The following CSMD1 variants were observed in gnomAD, a reference collection of about 807,000 sequenced individuals.
CSMD1 encodes the protein CUB and sushi domain-containing protein 1.
Under a neutral mutation model 417.5 loss-of-function variants are expected in CSMD1, and 213 were observed. That is an observed-to-expected ratio of 0.51 (90% confidence interval 0.46 to 0.57). The LOEUF is 0.57. Among genes scored for constraint, CSMD1 ranks in the 20% least tolerant of loss-of-function variants. CSMD1 has a pLI of 0.00. For synonymous variants in CSMD1, 2,862 were observed against 1,736.8 expected, an observed-to-expected ratio of 1.65 and a Z score of -16.11; for missense variants, 6,923 against 4,529.7, an observed-to-expected ratio of 1.53 and a Z score of -15.17.
intron 12 of CSMD1, among the ~76,000 whole-genome samples, chr8:3,413,888 T>C (rs1347842605): frequency 6.6e-6 from 1 of 151,996 alleles, no homozygotes; most frequent in African/African-American, 2.4e-5. Flanking sequence ...CCTGTAATCC[T>C]AGCACTTTGG....
intron 6 of CSMD1, among the ~76,000 whole-genome samples, chr8:3,711,711 C>A (rs567229491): frequency 6.6e-6 from 1 of 152,148 alleles, no homozygotes; most frequent in Non-Finnish European, 1.5e-5. Context: ...CCAGCTCTCC[C>A]CAGGATAATG....
At chr8:4,722,303 A>C (rs942154149) in intron 1 of CSMD1, among the ~76,000 whole-genome samples, 5 of 151,944 alleles carry the variant, frequency 3.3e-5, no homozygotes, top group Non-Finnish European at 7.4e-5. Context: ...AAAGAGAAAA[A>C]AATTGTTTTG....
chr8:3,790,966 T>A (rs939509147), intron 5 of CSMD1, among the ~76,000 whole-genome samples: 16 of 152,182 alleles, frequency 1.1e-4, no homozygotes, highest in African/African-American at 3.6e-4. Context: ...GGAAAGATGG[T>A]CAAAAATATT....
At chr8:3,947,895 T>G (rs1224540012) in intron 5 of CSMD1, among the ~76,000 whole-genome samples, 1 of 152,096 alleles carries the variant, frequency 6.6e-6, no homozygotes, top group Admixed American at 6.5e-5. Flanking sequence ...TTCTATTAGT[T>G]AAAAGTCCTG....
chr8:4,879,117 T>C (rs1803234816), intron 1 of CSMD1, among the ~76,000 whole-genome samples: 1 of 152,012 alleles, frequency 6.6e-6, no homozygotes, highest in Admixed American at 6.6e-5. Flanking sequence ...AGATATCATT[T>C]ACGTATTGAG....
chr8:4,104,433 C>T (rs1389429605), intron 3 of CSMD1, among the ~76,000 whole-genome samples: 3 of 142,982 alleles, frequency 2.1e-5, no homozygotes, highest in African/African-American at 5.2e-5. Flanking sequence ...CATGCGCACA[C>T]GCATGCACAC....
intron 49 of CSMD1, among the ~76,000 whole-genome samples, chr8:3,062,555 A>T (rs891854365): frequency 1.5e-5 from 2 of 133,586 alleles, no homozygotes; most frequent in Admixed American, 7.5e-5. Flanking sequence ...AACAAAACAC[A>T]TTAAAAAAAA....
chr8:4,356,475 C>T (rs1179419779), intron 3 of CSMD1, among the ~76,000 whole-genome samples: 1 of 152,106 alleles, frequency 6.6e-6, no homozygotes, highest in Non-Finnish European at 1.5e-5. Context: ...TTCTTTTCCT[C>T]TGAGTAGATA....
chr8:4,036,912 G>C (rs1022635087), intron 3 of CSMD1, among the ~76,000 whole-genome samples: 2 of 152,050 alleles, frequency 1.3e-5, no homozygotes, highest in South Asian at 2.1e-4. Context: ...TTGCATGTTA[G>C]GCTCATTGGC....
intron 10 of CSMD1, among the ~76,000 whole-genome samples, chr8:3,527,413 G>T (rs1797797193): frequency 6.6e-6 from 1 of 152,108 alleles, no homozygotes; most frequent in African/African-American, 2.4e-5. Flanking sequence ...AAATTATAGG[G>T]ATGGGAACTA....
intron 7 of CSMD1, among the ~76,000 whole-genome samples, chr8:3,667,959 C>A (rs56221894): frequency 1.3e-5 from 2 of 152,030 alleles, no homozygotes; most frequent in Non-Finnish European, 2.9e-5. Flanking sequence ...TTCCTCCCTG[C>A]GTCTTTCTAA....
intron 42 of CSMD1, among the ~76,000 whole-genome samples, chr8:3,115,735 C>A (rs1157789990): frequency 6.6e-6 from 1 of 152,056 alleles, no homozygotes; most frequent in Non-Finnish European, 1.5e-5. Context: ...TATATAAATA[C>A]AAATTGATTT....
At chr8:4,635,502 T>A in intron 2 of CSMD1, among the ~76,000 whole-genome samples, 1 of 152,138 alleles carries the variant, frequency 6.6e-6, no homozygotes, top group African/African-American at 2.4e-5. Context: ...CTAGAGTAAA[T>A]AAAAATATTG....
At chr8:4,397,688 G>C (rs912461778) in intron 3 of CSMD1, among the ~76,000 whole-genome samples, 3 of 151,818 alleles carry the variant, frequency 2.0e-5, no homozygotes, top group Non-Finnish European at 2.9e-5. Context: ...TGAAGAAATA[G>C]ATATTAATAA....
In CSMD1 at chr8:4,242,589, G is replaced by C. The variant is rs867549469; in HGVS notation, c.415+177364C>G. Reference sequence around the variant, plus strand: ...AAAAAACTCAGAAATGTTAATGAATGTATCTACAAATAAACCAGACTACTG... The same window carrying C: ...AAAAAACTCAGAAATGTTAATGAATCTATCTACAAATAAACCAGACTACTG... On this transcript the variant is annotated intron_variant, in intron 3 of 69. Transcript: ENST00000635120. Among the ~76,000 whole-genome samples the C allele has an allele frequency of 5.3e-5, 8 of 152,146 alleles. No individual in the cohort carries two copies. The South Asian group carries it at 1.7e-3, about 32-fold the overall frequency.
rs758045572 is a variant in CSMD1 at position 3,181,167 on chromosome 8, G to A, written c.5668C>T (p.Leu1890=). Residue 1890 remains leucine, a synonymous_variant, in exon 37 of 70, where the codon CTG becomes TTG. Coordinates refer to ENST00000635120, the MANE Select transcript of CSMD1 (RefSeq NM_033225.6). ...ACACTAATGTCAGACTGGAAATGCA[G>A]GTAGAGTTGGTTGGAAGTACTGTTC... ...LLNSTSNQLY[L]HFQSDISVAA... The A allele has an allele frequency of 1.2e-6, 2 of 1,613,932 alleles. No individual in the cohort carries two copies. The highest frequency in any genetic ancestry group is 1.7e-5 in the Admixed American group (1 of 60,018).
At chr8:4,456,359 T>C (rs569841413) in intron 2 of CSMD1, among the ~76,000 whole-genome samples, 80 of 152,234 alleles carry the variant, frequency 5.3e-4, no homozygotes, top group African/African-American at 1.8e-3. Context: ...TTGGTAAAAA[T>C]ACTGTATCTG....
At chr8:3,101,425 T>C (rs1180282550) in intron 46 of CSMD1, among the ~76,000 whole-genome samples, 1 of 152,208 alleles carries the variant, frequency 6.6e-6, no homozygotes. Context: ...CATATAAGGC[T>C]GACTACTTTT....
At chr8:3,540,780 A>G (rs1403324408) in intron 10 of CSMD1, among the ~76,000 whole-genome samples, 1 of 152,242 alleles carries the variant, frequency 6.6e-6, no homozygotes, top group Admixed American at 6.5e-5. Context: ...AACATGAAAA[A>G]AAGCTCAACA....
Sources: allele counts gnomAD v4.1 joint callset (sites outside exome capture counted in the v4.1 genomes callset), GRCh38; gene constraint gnomAD v4.1.1; transcripts MANE v1.5; gene names NCBI Gene and HGNC (gene_info 2026-07-23, HGNC 2026-07-21).